Variants in GBGT1 observed in about 807,000 individuals in gnomAD.
GBGT1 encodes the protein globoside alpha-1,3-N-acetylgalactosaminyltransferase 1.
GBGT1 carries 18 observed loss-of-function variants against 20.9 expected under a neutral mutation model. The observed-to-expected ratio is 0.86, with a 90% CI of 0.60 to 1.28. The LOEUF (loss-of-function observed/expected upper bound fraction) is 1.28. Among genes scored for constraint, GBGT1 ranks in the 50% most tolerant of loss-of-function variants. The pLI, the probability that GBGT1 is intolerant of heterozygous loss-of-function variation, is 0.00. For missense variants in GBGT1, 432 were observed against 455.7 expected (o/e 0.95, Z 0.47); for synonymous variants, 168 against 180.8 (o/e 0.93, Z 0.57).
chr9:133,161,776 A>G (rs1318532301), intron 2 of GBGT1, among the ~76,000 whole-genome samples: 1 of 152,182 alleles, frequency 6.6e-6, no homozygotes, highest in Non-Finnish European at 1.5e-5. Context: ...TAGGGAGTGT[A>G]TATTCTTGAT....
intron 6 of GBGT1, 136 bp downstream of exon 6, chr9:133,155,042 A>G: frequency 1.4e-6 from 1 of 702,978 alleles, no homozygotes; most frequent in Non-Finnish European, 2.5e-6. Context: ...TGTACTTTCT[A>G]TCTGCTTGGC....
Position 133,154,155 on chromosome 9 carries a change from C to G in GBGT1, c.466G>C (p.Gly156Arg). The change falls in exon 7 of 7, where the codon GGG (glycine) becomes CGG (arginine). Residue 156 changes from glycine (G) to arginine (R), a missense_variant. Physicochemically the swap from Gly to Arg is moderately radical, Grantham distance 125 (BLOSUM62 -2). Coordinates refer to ENST00000372040, the MANE Select transcript of GBGT1 (RefSeq NM_021996.6). The surrounding 1 kb of genome is among the most constrained non-coding windows in gnomAD (Gnocchi z 4.2). ...AGCCGGTGGGGACCCAGCGGGACCC[C>G]GGGAACGGCTGCAGGGTTGTCAGTG... The part of the protein sequence containing the change: ...IFTDNPAAVP[G>R]VPLGPHRLLS... 1 of 1,596,734 alleles carries G rather than the reference C, an allele frequency of 6.3e-7. No homozygotes were observed. The highest frequency in any genetic ancestry group is 8.6e-7 in the Non-Finnish European group (1 of 1,166,720).
At position 133,157,216 on chromosome 9, in the gene GBGT1, G is replaced by A. The variant is rs543384984; in HGVS notation, c.138-1151C>T. On this transcript the variant is annotated intron_variant, in intron 3 of 6. Coordinates refer to ENST00000372040, the MANE Select transcript of GBGT1 (RefSeq NM_021996.6). The stretch of plus-strand genomic sequence containing the variant: ...GGAGGATGGCTTGAGCCCAGGAGGT[G>A]GAGGCTGTAGTGAGCTGTAATCACA... Among the ~76,000 whole-genome samples, 5 of 151,794 alleles carry A rather than the reference G, an allele frequency of 3.3e-5. No individual in the cohort carries two copies. In the East Asian group the frequency reaches 5.8e-4, roughly 18 times the overall value.
chr9:133,156,130 A>G (rs890852302), intron 3 of GBGT1, 65 bp from the exon 4 acceptor site: 2 of 1,584,306 alleles, frequency 1.3e-6, no homozygotes, highest in Admixed American at 3.5e-5. Context: ...CAGCACAGGA[A>G]GAAGGAGGAG....
In GBGT1 at chr9:133,153,704, A is replaced by G; in HGVS notation, c.917T>C (p.Ile306Thr). ...CAGCACCTTGGACGGCTTGTTTGAG[A>G]TGAAGTGACGGTTCAGGTGGCTTTC... The part of the protein sequence containing the change: ...REESHLNRHF[I>T]SNKPSKVLSP... The change falls in exon 7 of 7, where the codon ATC becomes ACC. Residue 306 changes from isoleucine (I) to threonine (T), a missense_variant. Ile to Thr is a moderately conservative substitution (Grantham distance 89). Transcript: ENST00000372040. 1 of 1,613,852 alleles carries G rather than the reference A, an allele frequency of 6.2e-7. No individual in the cohort carries two copies.
rs572070773 is a variant in GBGT1, at chr9:133,153,443, C to A, written c.*134G>T. On this transcript the variant is annotated 3_prime_UTR_variant, in exon 7 of 7. Coordinates refer to ENST00000372040, the MANE Select transcript of GBGT1 (RefSeq NM_021996.6). The stretch of plus-strand genomic sequence containing the variant: ...CACAGCCCTCTGCAGTTCACAGTGG[C>A]CTTTCCACGTCCCTTTTCCGGTTGA... The A allele has an allele frequency of 1.4e-5, 9 of 633,662 alleles. No homozygotes were observed. In the African/African-American group the frequency reaches 1.5e-4, roughly 10 times the overall value. The allele number at this position is 633,662 out of a possible 1,614,324, so 39.3% of individuals were successfully genotyped here.
rs749220899 is a variant in GBGT1, at chr9:133,153,712, A to G, written c.909T>C (p.Arg303=). 3.7e-5 allele frequency: 60 copies of G among 1,613,660 alleles called. No individual in the cohort carries two copies. The highest frequency in any genetic ancestry group is 8.3e-5 in the Admixed American group (5 of 59,976). The change falls in exon 7 of 7, where the codon CGT becomes CGC. Residue 303 remains arginine (R), a synonymous_variant. Coordinates refer to ENST00000372040, the MANE Select transcript of GBGT1 (RefSeq NM_021996.6). ...AAWREESHLN[R]HFISNKPSKV... Reference sequence around the variant, plus strand: ...TGGACGGCTTGTTTGAGATGAAGTGACGGTTCAGGTGGCTTTCCTCCCGCC... The same window carrying G: ...TGGACGGCTTGTTTGAGATGAAGTGGCGGTTCAGGTGGCTTTCCTCCCGCC...
At chr9:133,156,515 C>T (rs1362993462) in intron 3 of GBGT1, among the ~76,000 whole-genome samples, 2 of 152,088 alleles carry the variant, frequency 1.3e-5, no homozygotes, top group African/African-American at 4.8e-5. Flanking sequence ...CAAAAATTAG[C>T]TGGGCATGGT....
chr9:133,155,063 G>A (rs577097399), intron 6 of GBGT1, 115 bp downstream of exon 6: 452 of 907,298 alleles, frequency 5.0e-4, no homozygotes, highest in Non-Finnish European at 7.2e-4. Context: ...ACCTGGTTCC[G>A]AGCCTCCCGG....
Position 133,154,548 on chromosome 9 carries a change from TC to T in GBGT1, c.360-288del. 1 of 317,640 alleles carries T rather than the reference TC, an allele frequency of 3.1e-6. No homozygotes were observed. The highest frequency in any genetic ancestry group is 5.8e-6 in the Non-Finnish European group (1 of 173,016). 19.7% of individuals were successfully genotyped at this position (317,640 alleles called of 1,614,324 possible). A position where few individuals can be genotyped will look rare whatever the true frequency, so the allele number is the denominator to read the frequency against. ...AGCGACGTTCTAAGAATTCTTATGA[TC>T]TTTGATCTGCATAAGCATGCCCATT... On this transcript the variant is annotated intron_variant, in intron 6 of 6. Transcript: ENST00000372040. The surrounding 1 kb of genome is among the most constrained non-coding windows in gnomAD (Gnocchi z 4.2).
In GBGT1 at chr9:133,162,523, C is replaced by G. The variant is rs1351391797; in HGVS notation, c.-111G>C. 1 of 809,646 alleles carries G rather than the reference C, an allele frequency of 1.2e-6. No homozygotes were observed. The highest frequency in any genetic ancestry group is 2.1e-6 in the Non-Finnish European group (1 of 477,514). The allele number at this position is 809,646 out of a possible 1,614,324, so 50.2% of individuals were successfully genotyped here. On this transcript the variant is annotated 5_prime_UTR_variant, in exon 2 of 7. Transcript: ENST00000372040. ...GGCTCTGAGCCTGGTCTCTGAGGTCCCAGGAACACCTGCAAAGGAACACTT... is the reference window on the plus strand; with the variant it reads ...GGCTCTGAGCCTGGTCTCTGAGGTCGCAGGAACACCTGCAAAGGAACACTT...
rs1158040057 is a variant in GBGT1, at chr9:133,163,863, G to GTGGAGCC, written c.-237_-231dup. The GTGGAGCC allele has an allele frequency of 6.6e-6, 1 of 152,530 alleles. No homozygotes were observed. The highest frequency in any genetic ancestry group is 2.4e-5 in the African/African-American group (1 of 41,484). 9.4% of individuals were successfully genotyped at this position (152,530 alleles called of 1,614,324 possible). On this transcript the variant is annotated 5_prime_UTR_variant, in exon 1 of 7. Transcript: ENST00000372040. The stretch of plus-strand genomic sequence containing the variant: ...GATACCCGGGCGATCGGCGGCGCAG[G>GTGGAGCC]TGGAGCCTGGAGCAGGGCAGGCAGC...
At position 133,156,070 on chromosome 9, in the gene GBGT1, T is replaced by A; in HGVS notation, c.138-5A>T. On this transcript the variant is annotated splice_polypyrimidine_tract_variant and splice_region_variant and intron_variant, in intron 3 of 6. Transcript: ENST00000372040. The stretch of plus-strand genomic sequence containing the variant: ...TTGTAGTGCAGCTTCATGTTGCTGG[T>A]GGCAGAGGCAAGAAAGAGCCATCAT... 6.2e-7 allele frequency: 1 copy of A among 1,613,892 alleles called. No homozygotes were observed. Among genetic ancestry groups the A allele is most frequent in the African/African-American group, 1.3e-5 (1 of 75,016 alleles).
chr9:133,162,416 TG>T lies in GBGT1; in HGVS notation c.-5del. 6.2e-7 allele frequency: 1 copy of T among 1,602,246 alleles called. No individual in the cohort carries two copies. The highest frequency in any genetic ancestry group is 8.5e-7 in the Non-Finnish European group (1 of 1,176,016). On this transcript the variant is annotated 5_prime_UTR_variant, in exon 2 of 7. Coordinates refer to ENST00000372040, the MANE Select transcript of GBGT1 (RefSeq NM_021996.6). ...GGGCCAGTCTCCGGCGATGCATTGC[TG>T]GGGGCTGCACCTGAGCCTGGGCACT...
At position 133,162,458 on chromosome 9, in the gene GBGT1, T is replaced by A. The variant is rs2073923; in HGVS notation, c.-46A>T. 3.7e-5 allele frequency: 56 copies of A among 1,521,042 alleles called. No homozygotes were observed. Among genetic ancestry groups the A allele is most frequent in the Non-Finnish European group, 4.9e-5 (55 of 1,113,742 alleles). The allele number at this position is 1,521,042 out of a possible 1,614,324, so 94.2% of individuals were successfully genotyped here. ...CCTGGGCACTTGTAGAGACCCCCAC[T>A]GGCCTGGGCGGATGAGGCTGTCCCC... On this transcript the variant is annotated 5_prime_UTR_variant, in exon 2 of 7. Coordinates refer to ENST00000372040, the MANE Select transcript of GBGT1 (RefSeq NM_021996.6).
chr9:133,159,635 T>TA (rs11307075), intron 3 of GBGT1, among the ~76,000 whole-genome samples: 8 of 150,790 alleles, frequency 5.3e-5, no homozygotes, highest in African/African-American at 2.0e-4. Flanking sequence ...TACAAACAAA[T>TA]AAAAAAAAAT....
Position 133,155,240 on chromosome 9 carries a change from A to C in GBGT1, c.297T>G (p.Leu99=). 6.2e-7 allele frequency: 1 copy of C among 1,613,972 alleles called. No individual in the cohort carries two copies. The highest frequency in any genetic ancestry group is 8.5e-7 in the Non-Finnish European group (1 of 1,179,976). The stretch of plus-strand genomic sequence containing the variant: ...TCAGTGGCTGGTAGATGTGCTGCAG[A>C]AGCTCTGGGTTGAAGGTTCCCTCGG... ...IVSEGTFNPE[L]LQHIYQPLNL... The change falls in exon 6 of 7, where the codon CTT becomes CTG. Residue 99 remains leucine (L), a synonymous_variant. Coordinates refer to ENST00000372040, the MANE Select transcript of GBGT1 (RefSeq NM_021996.6).
chr9:133,159,741 G>C (rs974687302), intron 3 of GBGT1, among the ~76,000 whole-genome samples: 1 of 152,084 alleles, frequency 6.6e-6, no homozygotes, highest in Non-Finnish European at 1.5e-5. Context: ...AGGCTGTAGT[G>C]AGCTGTGATC....
intron 3 of GBGT1, chr9:133,160,306 A>ATAATAATAATAG (rs1554748599): frequency 1.3e-5 from 2 of 148,386 alleles, no homozygotes. Context: ...AATAATAATA[A>ATAATAATAATAG]TAATAAATAA....
Sources: allele counts gnomAD v4.1 joint callset (sites outside exome capture counted in the v4.1 genomes callset), GRCh38; gene constraint gnomAD v4.1.1; non-coding constraint Gnocchi (gnomAD v3.1); transcripts MANE v1.5; gene names NCBI Gene and HGNC (gene_info 2026-07-23, HGNC 2026-07-21).